Variants in TMEM213 observed in about 807,000 individuals in gnomAD.
TMEM213 encodes the protein transmembrane protein 213.
A neutral mutation model predicts 11.6 loss-of-function variants in TMEM213; 7 were observed. The ratio of observed to expected loss-of-function variants is 0.60; its 90% CI spans 0.34 to 1.13. TMEM213 has a LOEUF of 1.13. Ranked by LOEUF, TMEM213 falls within the 50% of genes most tolerant of loss-of-function variation. The pLI, the probability that TMEM213 is intolerant of heterozygous loss-of-function variation, is 0.03. For missense variants in TMEM213, 129 were observed against 139.0 expected, an observed-to-expected ratio of 0.93 and a Z score of 0.36; for synonymous variants, 60 against 58.3, an observed-to-expected ratio of 1.03 and a Z score of -0.13.
At chr7:138,798,458 C>T (rs914256757) in intron 1 of TMEM213, among the ~76,000 whole-genome samples, 8 of 152,072 alleles carry the variant, frequency 5.3e-5, no homozygotes, top group African/African-American at 1.9e-4. Context: ...TTGGCCTTTG[C>T]CACAAAGAAA....
At chr7:138,801,471 G>C in intron 2 of TMEM213, 73 bp downstream of exon 2, 1 of 1,416,806 alleles carries the variant, frequency 7.1e-7, no homozygotes, top group Non-Finnish European at 9.8e-7. Flanking sequence ...AGGCCTCCCC[G>C]CTTTCCGTTG....
rs779293506 is a variant in TMEM213 at position 138,801,380 on chromosome 7, A to T, written c.136A>T (p.Thr46Ser). The change falls in exon 2 of 3, where the codon ACC (threonine) becomes TCC (serine). Residue 46 changes from threonine to serine, a missense_variant. Coordinates refer to ENST00000442682, the MANE Select transcript of TMEM213 (RefSeq NM_001085429.2). ...GACCGCTCACCACCCAGACCCTGGG[A>T]CCCTGGAGCAGTGCCTCAGTAAGCT... ...SLTAHHPDPG[T>S]LEQCLNVDFC... 12 of 1,610,374 alleles carry T rather than the reference A, an allele frequency of 7.5e-6. No individual in the cohort carries two copies. Among genetic ancestry groups the T allele is most frequent in the Non-Finnish European group, 1.0e-5 (12 of 1,178,522 alleles).
Position 138,802,907 on chromosome 7 carries a change from C to G in TMEM213, c.162C>G (p.Asp54Glu). 6.3e-7 allele frequency: 1 copy of G among 1,575,104 alleles called. No individual in the cohort carries two copies. Among genetic ancestry groups the G allele is most frequent in the East Asian group, 2.2e-5 (1 of 44,614 alleles). Reference sequence around the variant, plus strand: ...CTGTCCCTTCCCCACCAGACGTGGACTTCTGCCCACAAGCAGCCCGGTGCT... The same window carrying G: ...CTGTCCCTTCCCCACCAGACGTGGAGTTCTGCCCACAAGCAGCCCGGTGCT... Reference protein sequence around the residue: ...PGTLEQCLNVDFCPQAARCCR... With the variant: ...PGTLEQCLNVEFCPQAARCCR... The change falls in exon 3 of 3, where the codon GAC (aspartate) becomes GAG (glutamate). Residue 54 changes from aspartate to glutamate, a missense_variant. Physicochemically the swap from Asp to Glu is conservative, Grantham distance 45. Transcript: ENST00000442682.
chr7:138,801,443 A>G lies in TMEM213; in HGVS notation c.154+45A>G, dbSNP rs565947782. The G allele has an allele frequency of 6.7e-5, 105 of 1,556,256 alleles. 2 individuals carry two copies. The South Asian group carries it at 1.2e-3, about 17-fold the overall frequency. On this transcript the variant is annotated intron_variant, in intron 2 of 2. Coordinates refer to ENST00000442682, the MANE Select transcript of TMEM213 (RefSeq NM_001085429.2). ...TGCTCTAACCCCAGAACTGGCCCTCAGCCTGGGAGGGAAACAAAGGCCTCC... is the reference window on the plus strand; with the variant it reads ...TGCTCTAACCCCAGAACTGGCCCTCGGCCTGGGAGGGAAACAAAGGCCTCC...
rs776422616 is a variant in TMEM213 at position 138,803,103 on chromosome 7, A to G, written c.*34A>G. 1 of 1,603,308 alleles carries G rather than the reference A, an allele frequency of 6.2e-7. No individual in the cohort carries two copies. Among genetic ancestry groups the G allele is most frequent in the South Asian group, 1.1e-5 (1 of 89,508 alleles). ...CTCGGTGCACAAAATGGTGATCGCC[A>G]CCAATTTGTGGCTAATGGGGAAGGG... On this transcript the variant is annotated 3_prime_UTR_variant, in exon 3 of 3. Transcript: ENST00000442682.
chr7:138,798,158 T>C lies in TMEM213; in HGVS notation c.54T>C (p.Phe18=). 1 of 1,600,042 alleles carries C rather than the reference T, an allele frequency of 6.2e-7. No individual in the cohort carries two copies. The highest frequency in any genetic ancestry group is 8.5e-7 in the Non-Finnish European group (1 of 1,173,850). Residue 18 remains phenylalanine (F), a synonymous_variant, in exon 1 of 3, where the codon TTT becomes TTC. Transcript: ENST00000442682. The part of the protein sequence containing the change: ...TRATLILSLA[F]ASLHSACSAE... ...CCACCCTGATCCTCAGCCTGGCCTT[T>C]GCCTCCCTCCACTCGGCTTGCTCGG...
intron 2 of TMEM213, 120 bp from the exon 3 acceptor site, chr7:138,802,780 G>T: frequency 9.5e-7 from 1 of 1,053,716 alleles, no homozygotes; most frequent in South Asian, 1.7e-5. Context: ...TGCATGGCAC[G>T]TAGTAGGCCT....
At chr7:138,799,748 C>T (rs1808867935) in intron 1 of TMEM213, among the ~76,000 whole-genome samples, 1 of 152,188 alleles carries the variant, frequency 6.6e-6, no homozygotes, top group African/African-American at 2.4e-5. Flanking sequence ...CAAATAAAGA[C>T]CAGGCTCTAA....
rs1408235561 is a variant in TMEM213 at position 138,798,122 on chromosome 7, T to A, written c.18T>A (p.Ala6=). The part of the protein sequence containing the change: MQRLP[A]ATRATLILSL... ...CCTCCAGCATGCAGCGCCTCCCCGCTGCCACCCGGGCCACCCTGATCCTCA... is the reference window on the plus strand; with the variant it reads ...CCTCCAGCATGCAGCGCCTCCCCGCAGCCACCCGGGCCACCCTGATCCTCA... The change falls in exon 1 of 3, where the codon GCT becomes GCA. Residue 6 remains alanine, a synonymous_variant. Coordinates refer to ENST00000442682, the MANE Select transcript of TMEM213 (RefSeq NM_001085429.2). 1.2e-6 allele frequency: 2 copies of A among 1,600,844 alleles called. No homozygotes were observed.
At chr7:138,801,635 C>G (rs1471564122) in intron 2 of TMEM213, 1 of 531,190 alleles carries the variant, frequency 1.9e-6, no homozygotes, top group Admixed American at 3.2e-5. Context: ...AATGACCCAT[C>G]CCAGGTCAGC....
chr7:138,798,017 G>T lies in TMEM213; in HGVS notation c.-88G>T, dbSNP rs868034210. Reference sequence around the variant, plus strand: ...GCAGAGTTGCTTTCCAGCTCCTGCAGGTGGGAGTCGACTCACCTGCAGCAG... The same window carrying T: ...GCAGAGTTGCTTTCCAGCTCCTGCATGTGGGAGTCGACTCACCTGCAGCAG... On this transcript the variant is annotated 5_prime_UTR_variant, in exon 1 of 3. It adds an upstream start codon to the 5' untranslated region. Coordinates refer to ENST00000442682, the MANE Select transcript of TMEM213 (RefSeq NM_001085429.2). 1 of 1,550,780 alleles carries T rather than the reference G, an allele frequency of 6.4e-7. No homozygotes were observed. Among genetic ancestry groups the T allele is most frequent in the East Asian group, 2.4e-5 (1 of 40,928 alleles).
intron 2 of TMEM213, among the ~76,000 whole-genome samples, chr7:138,802,437 G>C (rs1189820418): frequency 6.6e-6 from 1 of 151,858 alleles, no homozygotes; most frequent in African/African-American, 2.4e-5. Context: ...TGTAATCCCA[G>C]CTACTTGGGA....
rs1473792657 is a variant in TMEM213 at position 138,804,860 on chromosome 7, A to G, written c.*1791A>G. ...AGAGGGCAGGTTCATCAGAAGAAAGAAAGGACAAAATGACTCCTTATGAAG... is the reference window on the plus strand; with the variant it reads ...AGAGGGCAGGTTCATCAGAAGAAAGGAAGGACAAAATGACTCCTTATGAAG... On this transcript the variant is annotated 3_prime_UTR_variant, in exon 3 of 3. Transcript: ENST00000442682. 6.6e-6 allele frequency: 1 copy of G among 152,186 alleles called. No individual in the cohort carries two copies. The highest frequency in any genetic ancestry group is 1.5e-5 in the Non-Finnish European group (1 of 68,054). 9.4% of individuals were successfully genotyped at this position (152,186 alleles called of 1,614,324 possible). A position where few individuals can be genotyped will look rare whatever the true frequency, so the allele number is the denominator to read the frequency against.
At chr7:138,800,270 A>C (rs1406226776) in intron 1 of TMEM213, among the ~76,000 whole-genome samples, 1 of 152,104 alleles carries the variant, frequency 6.6e-6, no homozygotes, top group East Asian at 1.9e-4. Context: ...GATTTTAATA[A>C]ATTTAAACAA....
Position 138,804,198 on chromosome 7 carries a change from G to GGTAGGCGCTGTCACCTT in TMEM213, c.*1130_*1146dup, listed in dbSNP as rs1809037759. The GGTAGGCGCTGTCACCTT allele has an allele frequency of 6.6e-6, 1 of 152,366 alleles. No homozygotes were observed. The highest frequency in any genetic ancestry group is 1.5e-5 in the Non-Finnish European group (1 of 68,222). 9.4% of individuals were successfully genotyped at this position (152,366 alleles called of 1,614,324 possible). On this transcript the variant is annotated 3_prime_UTR_variant, in exon 3 of 3. Coordinates refer to ENST00000442682, the MANE Select transcript of TMEM213 (RefSeq NM_001085429.2). Reference sequence around the variant, plus strand: ...ATCACTCCCCATGGGCAGCTGCCAGGGTAGGCGCTGTCACCTTCTGTTGAC... The same window carrying GGTAGGCGCTGTCACCTT: ...ATCACTCCCCATGGGCAGCTGCCAGGGTAGGCGCTGTCACCTTGTAGGCGCTGTCACCTTCTGTTGAC...
chr7:138,803,059 T>C lies in TMEM213; in HGVS notation c.314T>C (p.Leu105Ser). ...MKLTPDEPKD[L>S]QA ...CTGACTCCAGATGAGCCCAAGGACT[T>C]GCAAGCGTGAGACCCAGGCTCGGTG... is the stretch of plus-strand genomic sequence containing the variant. The change falls in exon 3 of 3, where the codon TTG becomes TCG. Residue 105 changes from leucine to serine, a missense_variant. Transcript: ENST00000442682. 6.2e-7 allele frequency: 1 copy of C among 1,613,284 alleles called. No homozygotes were observed. Among genetic ancestry groups the C allele is most frequent in the Middle Eastern group, 1.7e-4 (1 of 6,060 alleles).
In TMEM213 at chr7:138,798,163, C is replaced by T. The variant is rs546909749; in HGVS notation, c.59C>T (p.Ser20Phe). ...ATLILSLAFASLHSACSAEAS... is the reference protein window; with the variant it reads ...ATLILSLAFAFLHSACSAEAS... ...CTGATCCTCAGCCTGGCCTTTGCCTCCCTCCACTCGGCTTGCTCGGCAGGT... is the reference window on the plus strand; with the variant it reads ...CTGATCCTCAGCCTGGCCTTTGCCTTCCTCCACTCGGCTTGCTCGGCAGGT... The change falls in exon 1 of 3, where the codon TCC (serine) becomes TTC (phenylalanine). Residue 20 changes from serine to phenylalanine, a missense_variant. Transcript: ENST00000442682. The T allele has an allele frequency of 1.9e-6, 3 of 1,598,596 alleles. No individual in the cohort carries two copies. Among genetic ancestry groups the T allele is most frequent in the African/African-American group, 2.7e-5 (2 of 74,784 alleles).
rs547695971 is a variant in TMEM213, at chr7:138,805,493, G to A, written c.*2424G>A. On this transcript the variant is annotated 3_prime_UTR_variant, in exon 3 of 3. Coordinates refer to ENST00000442682, the MANE Select transcript of TMEM213 (RefSeq NM_001085429.2). ...ATGTTTTCAGAAATTCAAAGGAAGC[G>A]TTTCCACAATATGTGACGGTTTATT... 5.3e-5 allele frequency: 8 copies of A among 151,956 alleles called. No individual in the cohort carries two copies. The highest frequency in any genetic ancestry group is 1.9e-4 in the East Asian group (1 of 5,198). 9.4% of individuals were successfully genotyped at this position (151,956 alleles called of 1,614,324 possible). A position where few individuals can be genotyped will look rare whatever the true frequency, so the allele number is the denominator to read the frequency against.
At position 138,804,453 on chromosome 7, in the gene TMEM213, C is replaced by T. The variant is rs939122515; in HGVS notation, c.*1384C>T. On this transcript the variant is annotated 3_prime_UTR_variant, in exon 3 of 3. Transcript: ENST00000442682. ...AAGCCCAGCTCGAATGCTTGATCTG[C>T]CTGGAGCCTTCCTGGTCATCCTTGG... The T allele has an allele frequency of 1.3e-5, 2 of 152,240 alleles. No individual in the cohort carries two copies. The highest frequency in any genetic ancestry group is 4.8e-5 in the African/African-American group (2 of 41,438). 9.4% of individuals were successfully genotyped at this position (152,240 alleles called of 1,614,324 possible).
Sources: gnomAD v4.1 joint callset for allele counts (sites outside exome capture counted in the v4.1 genomes callset) on GRCh38, gnomAD v4.1.1 for gene constraint, MANE v1.5 for transcripts, NCBI Gene and HGNC (gene_info 2026-07-23, HGNC 2026-07-21) for gene names.